Variants in DGKB observed in about 807,000 individuals in gnomAD.
DGKB encodes diacylglycerol kinase beta, also known as 90 kDa diacylglycerol kinase.
Under a neutral mutation model 114.3 loss-of-function variants are expected in DGKB, and 67 were observed. That is an observed-to-expected ratio of 0.59 (90% confidence interval 0.48 to 0.72). DGKB has a LOEUF of 0.72. Ranked by LOEUF, DGKB falls within the 30% of genes least tolerant of loss-of-function variation. DGKB has a pLI of 0.00. For missense variants in DGKB, 907 were observed against 975.2 expected (o/e 0.93, Z 0.93); for synonymous variants, 398 against 323.1 (o/e 1.23, Z -2.49).
At chr7:14,196,297 G>T (rs1341276626) in intron 23 of DGKB, among the ~76,000 whole-genome samples, 1 of 152,044 alleles carries the variant, frequency 6.6e-6, no homozygotes, top group Admixed American at 6.6e-5. Flanking sequence ...ATGCCTCAAA[G>T]AAAGAATTAT....
At chr7:14,607,714 C>T (rs1023056602) in intron 16 of DGKB, among the ~76,000 whole-genome samples, 3 of 151,806 alleles carry the variant, frequency 2.0e-5, no homozygotes, top group Non-Finnish European at 4.4e-5. Flanking sequence ...GGCTTAGTAG[C>T]CACTATTAAG....
At chr7:14,718,473 G>C in intron 6 of DGKB, 69 bp downstream of exon 6, 4 of 1,401,782 alleles carry the variant, frequency 2.9e-6, no homozygotes, top group Non-Finnish European at 3.8e-6. Context: ...GCAATTTTAA[G>C]TTAATCAATA....
intron 23 of DGKB, among the ~76,000 whole-genome samples, chr7:14,220,386 TC>T (rs1207576959): frequency 2.0e-5 from 3 of 151,488 alleles, no homozygotes; most frequent in Non-Finnish European, 4.4e-5. Context: ...GACTATTGTC[TC>T]CATTAAATGG....
At chr7:14,348,991 C>A (rs531917911) in intron 21 of DGKB, among the ~76,000 whole-genome samples, 1 of 151,950 alleles carries the variant, frequency 6.6e-6, no homozygotes. Flanking sequence ...AAGAAGCTGA[C>A]AGAAGTTTAT....
intron 1 of DGKB, among the ~76,000 whole-genome samples, chr7:14,971,512 G>A (rs1055535854): frequency 1.3e-5 from 2 of 152,044 alleles, no homozygotes; most frequent in Non-Finnish European, 2.9e-5. Flanking sequence ...TTGTAGCTGA[G>A]TAAAAATACC....
chr7:14,704,708 C>T (rs1371707824), intron 6 of DGKB, among the ~76,000 whole-genome samples: 3 of 152,128 alleles, frequency 2.0e-5, no homozygotes, highest in South Asian at 2.1e-4. Context: ...AGCAGGGGCA[C>T]ACTGACACCT....
intron 1 of DGKB, among the ~76,000 whole-genome samples, chr7:14,917,818 A>G (rs1042522281): frequency 6.6e-6 from 1 of 152,058 alleles, no homozygotes; most frequent in African/African-American, 2.4e-5. Context: ...ACAAGAATGA[A>G]AAACTATAGA....
intron 20 of DGKB, among the ~76,000 whole-genome samples, chr7:14,508,534 G>T (rs1039103408): frequency 6.6e-6 from 1 of 152,122 alleles, no homozygotes; most frequent in Non-Finnish European, 1.5e-5. Context: ...AATAAAATTA[G>T]GTTTTGAATA....
chr7:14,450,701 C>T (rs1156685848), intron 21 of DGKB, among the ~76,000 whole-genome samples: 1 of 152,052 alleles, frequency 6.6e-6, no homozygotes, highest in Admixed American at 6.6e-5. Flanking sequence ...TTTCATCATT[C>T]TGTGCCATGG....
At chr7:14,559,927 TCCTC>T (rs1420579820) in intron 20 of DGKB, among the ~76,000 whole-genome samples, 1 of 151,660 alleles carries the variant, frequency 6.6e-6, no homozygotes, top group Non-Finnish European at 1.5e-5. Flanking sequence ...CTTCCTTCCT[TCCTC>T]CCTTCCTCTC....
At chr7:14,634,145 A>G (rs941989464) in intron 13 of DGKB, among the ~76,000 whole-genome samples, 2 of 151,044 alleles carry the variant, frequency 1.3e-5, no homozygotes, top group African/African-American at 4.8e-5. Context: ...GAACATTTAT[A>G]TTTTTATATA....
At chr7:14,716,545 T>C (rs577843982) in intron 6 of DGKB, among the ~76,000 whole-genome samples, 2 of 152,332 alleles carry the variant, frequency 1.3e-5, no homozygotes, top group East Asian at 3.9e-4. Flanking sequence ...TTTTGGAGTA[T>C]TTATTAAACT....
intron 5 of DGKB, among the ~76,000 whole-genome samples, chr7:14,719,923 C>T (rs942105275): frequency 1.6e-4 from 24 of 152,134 alleles, no homozygotes. Context: ...GCATTTTCCC[C>T]ACTTTACAGA....
intron 2 of DGKB, among the ~76,000 whole-genome samples, chr7:14,840,731 CACACACACACACA>C (rs1847814792): frequency 6.0e-5 from 9 of 149,252 alleles, no homozygotes; most frequent in Admixed American, 2.7e-4. Context: ...CACACACACA[CACACACACACACA>C]CCTCTCCCTT....
rs17168471 is a variant in DGKB, at chr7:14,839,251, A to T, written c.70+1943T>A. Among the ~76,000 whole-genome samples, 201 of 152,248 alleles carry T rather than the reference A, an allele frequency of 1.3e-3. 3 individuals are homozygous for T. The East Asian group carries it at 0.037, about 28-fold the overall frequency. On this transcript the variant is annotated intron_variant, in intron 2 of 25. Transcript: ENST00000402815. ...GATGCTCAGAAATATTTACTTAATG[A>T]TTGGATTACCACAGCAGCAAAGAGC... is the stretch of plus-strand genomic sequence containing the variant.
intron 5 of DGKB, among the ~76,000 whole-genome samples, chr7:14,729,355 C>T (rs1036377947): frequency 1.3e-5 from 2 of 151,962 alleles, no homozygotes; most frequent in Non-Finnish European, 1.5e-5. Context: ...ATCTCCTGAC[C>T]TTGTGATTCG....
intron 20 of DGKB, among the ~76,000 whole-genome samples, chr7:14,491,500 A>T (rs1784593996): frequency 6.6e-6 from 1 of 152,076 alleles, no homozygotes; most frequent in South Asian, 2.1e-4. Context: ...AGCAATATGG[A>T]TTACTGGATA....
In DGKB at chr7:14,672,781, T is replaced by C. The variant is rs1819183876; in HGVS notation, c.1134+148A>G. The C allele has an allele frequency of 6.6e-6, 3 of 456,694 alleles. No individual in the cohort carries two copies. In the East Asian group the frequency reaches 9.6e-5, roughly 15 times the overall value. 28.3% of individuals were successfully genotyped at this position (456,694 alleles called of 1,614,324 possible). Reference sequence around the variant, plus strand: ...AAAAAGGAAATATAGTGGACAAAGGTGTTCTGTTTCAGAGTAACGACGTAT... The same window carrying C: ...AAAAAGGAAATATAGTGGACAAAGGCGTTCTGTTTCAGAGTAACGACGTAT... On this transcript the variant is annotated intron_variant, in intron 13 of 25. Transcript: ENST00000402815.
At chr7:14,443,963 G>T (rs1563195777) in intron 21 of DGKB, among the ~76,000 whole-genome samples, 1 of 151,424 alleles carries the variant, frequency 6.6e-6, no homozygotes, top group Non-Finnish European at 1.5e-5. Flanking sequence ...ATTTTTTAAA[G>T]CTCTTTCCCT....
Sources: gnomAD v4.1 joint callset for allele counts (sites outside exome capture counted in the v4.1 genomes callset) on GRCh38, gnomAD v4.1.1 for gene constraint, MANE v1.5 for transcripts, NCBI Gene and HGNC (gene_info 2026-07-23, HGNC 2026-07-21) for gene names.